The following UBR3 variants were observed in gnomAD, a reference collection of about 807,000 sequenced individuals.
The protein encoded by UBR3 is ubiquitin protein ligase E3 component n-recognin 3, also known as E3 ubiquitin-protein ligase UBR3.
A neutral mutation model predicts 243.2 loss-of-function variants in UBR3; 85 were observed. The observed-to-expected ratio is 0.35, with a 90% CI of 0.29 to 0.42. The LOEUF is 0.42. Among genes scored for constraint, UBR3 ranks in the 10% least tolerant of loss-of-function variants. The pLI, the probability that UBR3 is intolerant of heterozygous loss-of-function variation, is 1.00. For missense variants in UBR3, 1,686 were observed against 2,300.8 expected, an observed-to-expected ratio of 0.73 and a Z score of 5.47; for synonymous variants, 748 against 799.8, an observed-to-expected ratio of 0.94 and a Z score of 1.09.
At position 170,081,924 on chromosome 2, in the gene UBR3, G is replaced by A. The variant is rs2091914677; in HGVS notation, c.*81G>A. On this transcript the variant is annotated 3_prime_UTR_variant, in exon 39 of 39. Coordinates refer to ENST00000272793, the MANE Select transcript of UBR3 (RefSeq NM_172070.4). ...ACAATAAGCTTTAACTTAATTTGGGGGATTAACACTTTTGCTGAGGGAGAA... is the reference window on the plus strand; with the variant it reads ...ACAATAAGCTTTAACTTAATTTGGGAGATTAACACTTTTGCTGAGGGAGAA... 2.0e-6 allele frequency: 2 copies of A among 1,009,704 alleles called. No homozygotes were observed. Among genetic ancestry groups the A allele is most frequent in the Middle Eastern group, 2.2e-4 (1 of 4,450 alleles). 62.5% of individuals were successfully genotyped at this position (1,009,704 alleles called of 1,614,324 possible).
chr2:169,917,305 C>T (rs2085500609), intron 11 of UBR3, among the ~76,000 whole-genome samples: 1 of 152,200 alleles, frequency 6.6e-6, no homozygotes, highest in Non-Finnish European at 1.5e-5. Context: ...CCACTTCCAA[C>T]CTGCTTCCCT....
intron 5 of UBR3, among the ~76,000 whole-genome samples, chr2:169,888,028 T>C (rs1574127784): frequency 6.6e-6 from 1 of 151,532 alleles, no homozygotes; most frequent in African/African-American, 2.4e-5. Flanking sequence ...CGCCCACCTC[T>C]GCCTCCCAAA....
intron 1 of UBR3, among the ~76,000 whole-genome samples, chr2:169,831,330 A>G (rs1249309307): frequency 6.9e-6 from 1 of 144,746 alleles, no homozygotes; most frequent in Non-Finnish European, 1.5e-5. Flanking sequence ...TTGTGTTTTT[A>G]GTAAAGACAG....
In UBR3 at chr2:169,949,702, T is replaced by C; in HGVS notation, c.3182T>C (p.Val1061Ala). The C allele has an allele frequency of 6.4e-7, 1 of 1,551,564 alleles. No homozygotes were observed. Among genetic ancestry groups the C allele is most frequent in the Non-Finnish European group, 8.7e-7 (1 of 1,146,748 alleles). The change falls in exon 23 of 39, where the codon GTT (valine) becomes GCT (alanine). Residue 1061 changes from valine (V) to alanine (A), a missense_variant. Transcript: ENST00000272793. ...NRSSSEANQV[V>A]RPKTSSKWSA... ...AGTAGCAGTGAAGCAAATCAGGTGG[T>C]TCGTCCCAAAACTTCAAGTAAATGG...
chr2:169,870,418 C>A (rs528030208), intron 1 of UBR3, among the ~76,000 whole-genome samples: 20 of 151,460 alleles, frequency 1.3e-4, no homozygotes, highest in African/African-American at 3.9e-4. Context: ...CATGAGCCAC[C>A]ATGTCCGGCC....
At chr2:169,869,694 A>T (rs2083377164) in intron 1 of UBR3, among the ~76,000 whole-genome samples, 1 of 152,130 alleles carries the variant, frequency 6.6e-6, no homozygotes, top group Non-Finnish European at 1.5e-5. Context: ...TGGGTCAGTT[A>T]TTTCACTAGA....
chr2:169,875,110 G>A (rs950152372), intron 2 of UBR3, among the ~76,000 whole-genome samples: 1 of 151,568 alleles, frequency 6.6e-6, no homozygotes, highest in Non-Finnish European at 1.5e-5. Context: ...CAGCTAACAT[G>A]TATCTGTATT....
chr2:169,846,724 A>C (rs566257877), intron 1 of UBR3, among the ~76,000 whole-genome samples: 145 of 152,132 alleles, frequency 9.5e-4, no homozygotes, highest in African/African-American at 3.3e-3. Flanking sequence ...AAAAAAAAAA[A>C]AAATCTTCTT....
At chr2:169,887,007 A>C (rs1309700960) in intron 5 of UBR3, among the ~76,000 whole-genome samples, 5 of 152,068 alleles carry the variant, frequency 3.3e-5, no homozygotes, top group African/African-American at 1.2e-4. Flanking sequence ...AATTTACCTG[A>C]CTTCTTTTTA....
At chr2:169,871,021 A>G (rs2083421663) in intron 1 of UBR3, among the ~76,000 whole-genome samples, 1 of 151,108 alleles carries the variant, frequency 6.6e-6, no homozygotes, top group South Asian at 2.1e-4. Context: ...TTCTCTATTT[A>G]TTCAGATCTT....
intron 20 of UBR3, among the ~76,000 whole-genome samples, chr2:169,945,120 T>G (rs1328243395): frequency 1.3e-5 from 2 of 151,908 alleles, no homozygotes; most frequent in African/African-American, 4.8e-5. Context: ...GGCTATAATT[T>G]CAGTTTTATT....
intron 1 of UBR3, among the ~76,000 whole-genome samples, chr2:169,838,578 G>A (rs1173381250): frequency 6.6e-6 from 1 of 152,044 alleles, no homozygotes; most frequent in Non-Finnish European, 1.5e-5. Context: ...AAAGGCTTCC[G>A]CCTCTTAATA....
intron 14 of UBR3, 103 bp from the exon 15 acceptor site, chr2:169,926,582 CAAAAACA>C (rs140309188): frequency 0.62 from 698,261 of 1,131,330 alleles, 225,473 homozygotes; most frequent in Non-Finnish European, 0.66. Context: ...GACTCTGTCT[CAAAAACA>C]AAAAACAAAA....
intron 1 of UBR3, among the ~76,000 whole-genome samples, chr2:169,860,804 A>C (rs1338662000): frequency 6.6e-6 from 1 of 152,198 alleles, no homozygotes; most frequent in Non-Finnish European, 1.5e-5. Flanking sequence ...CACAATCACA[A>C]GGTAAAGTCC....
At chr2:170,044,416 C>T (rs906973090) in intron 32 of UBR3, among the ~76,000 whole-genome samples, 1 of 152,078 alleles carries the variant, frequency 6.6e-6, no homozygotes, top group African/African-American at 2.4e-5. Flanking sequence ...TGCCAATTAT[C>T]TCATCAGAAG....
intron 10 of UBR3, among the ~76,000 whole-genome samples, chr2:169,911,945 T>C (rs987046516): frequency 1.3e-4 from 20 of 152,128 alleles, no homozygotes; most frequent in Non-Finnish European, 2.9e-5. Context: ...AGGATGAGAA[T>C]GTTAGTAAGG....
At chr2:169,896,938 G>A (rs1051484512) in intron 8 of UBR3, among the ~76,000 whole-genome samples, 9 of 151,836 alleles carry the variant, frequency 5.9e-5, no homozygotes, top group Non-Finnish European at 8.8e-5. Context: ...TGTTTGTTAC[G>A]GACATCTTTG....
chr2:170,027,668 G>A (rs1210385401), intron 30 of UBR3, among the ~76,000 whole-genome samples: 2 of 151,754 alleles, frequency 1.3e-5, no homozygotes, highest in Non-Finnish European at 3.0e-5. Context: ...TCACCGTGCA[G>A]CTTGAGATAA....
intron 1 of UBR3, among the ~76,000 whole-genome samples, chr2:169,851,891 T>C (rs2082672655): frequency 6.6e-6 from 1 of 151,840 alleles, no homozygotes; most frequent in Non-Finnish European, 1.5e-5. Flanking sequence ...CCAGGTCTTC[T>C]GAATTGGAGT....
Sources: allele counts gnomAD v4.1 joint callset (sites outside exome capture counted in the v4.1 genomes callset), GRCh38; gene constraint gnomAD v4.1.1; transcripts MANE v1.5; gene names NCBI Gene and HGNC (gene_info 2026-07-23, HGNC 2026-07-21).